Variants in NELL1 observed in about 807,000 individuals in gnomAD.
The protein encoded by NELL1 is neural EGFL like 1.
NELL1 carries 76 observed loss-of-function variants against 107.4 expected under a neutral mutation model. That is an observed-to-expected ratio of 0.71 (90% CI 0.59 to 0.86). NELL1 has a LOEUF of 0.86. Among genes scored for constraint, NELL1 ranks in the 40% least tolerant of loss-of-function variants. The probability of loss-of-function intolerance (pLI) is 0.00; values close to 1 mark genes in which losing one functional copy is unlikely to be tolerated. For missense variants in NELL1, 1,024 were observed against 1,005.5 expected (o/e 1.02, Z -0.25); for synonymous variants, 353 against 341.2 (o/e 1.03, Z -0.38).
Position 20,964,175 on chromosome 11 carries a change from CT to C in NELL1, c.1300+3621del, listed in dbSNP as rs35671492. Among the ~76,000 whole-genome samples, 1,244 of 152,140 alleles carry C rather than the reference CT, an allele frequency of 8.2e-3. 11 individuals carry two copies. The highest frequency in any genetic ancestry group is 0.012 in the Non-Finnish European group (842 of 67,984). The stretch of plus-strand genomic sequence containing the variant: ...GAATCTTGTCGGCTGAGGCTTTTTC[CT>C]TTTTTAATGACATTTTCAACAGGTT... On this transcript the variant is annotated intron_variant, in intron 12 of 19. Transcript: ENST00000357134.
At chr11:21,208,400 A>G (rs1857432890) in intron 13 of NELL1, among the ~76,000 whole-genome samples, 1 of 150,746 alleles carries the variant, frequency 6.6e-6, no homozygotes, top group Admixed American at 6.6e-5. Flanking sequence ...CTATTTATGC[A>G]CAATTATATA....
intron 5 of NELL1, among the ~76,000 whole-genome samples, chr11:20,909,696 T>A (rs1850082586): frequency 6.6e-6 from 1 of 152,152 alleles, no homozygotes; most frequent in Non-Finnish European, 1.5e-5. Flanking sequence ...CCTTCTCTCA[T>A]GCCATTTTCT....
intron 7 of NELL1, among the ~76,000 whole-genome samples, chr11:20,922,186 CT>C (rs900730199): frequency 1.1e-4 from 16 of 152,210 alleles, no homozygotes; most frequent in African/African-American, 3.4e-4. Flanking sequence ...CTCTGTCCCC[CT>C]ATACCCTGTG....
chr11:21,451,747 G>T (rs905336880), intron 15 of NELL1, among the ~76,000 whole-genome samples: 2 of 152,112 alleles, frequency 1.3e-5, no homozygotes, highest in African/African-American at 4.8e-5. Flanking sequence ...ACCAATGGAG[G>T]CTTCAGAGAC....
chr11:21,077,706 G>A (rs1022721755), intron 12 of NELL1, among the ~76,000 whole-genome samples: 2 of 149,614 alleles, frequency 1.3e-5, no homozygotes, highest in African/African-American at 2.5e-5. Flanking sequence ...TTGCATCACC[G>A]CACTTCAGCC....
At chr11:21,326,759 C>CT (rs966107060) in intron 14 of NELL1, among the ~76,000 whole-genome samples, 1 of 151,608 alleles carries the variant, frequency 6.6e-6, no homozygotes, top group Non-Finnish European at 1.5e-5. Context: ...TTATAGACTA[C>CT]TTTTTTTTCT....
At chr11:21,531,634 T>C (rs1395017288) in intron 15 of NELL1, among the ~76,000 whole-genome samples, 2 of 152,192 alleles carry the variant, frequency 1.3e-5, no homozygotes, top group Non-Finnish European at 2.9e-5. Flanking sequence ...AGGTGACTTT[T>C]TGTTTGTTTC....
rs10833502 is a variant in NELL1, at chr11:21,319,157, A to G, written c.1550-51696A>G. On this transcript the variant is annotated intron_variant, in intron 14 of 19. Transcript: ENST00000357134. ...TGTGTGTGTGTGTGTGTGTGTGTGT[A>G]TATGTATGTATACATATTATTTTAT... is the stretch of plus-strand genomic sequence containing the variant. 4.0e-3 allele frequency among the ~76,000 whole-genome samples: 450 copies of G among 111,852 alleles called. 7 individuals are homozygous for G. The highest frequency in any genetic ancestry group is 0.014 in the Middle Eastern group (3 of 212). 73.4% of individuals were successfully genotyped at this position (111,852 alleles called of 152,430 possible). A position where few individuals can be genotyped will look rare whatever the true frequency, so the allele number is the denominator to read the frequency against.
intron 13 of NELL1, among the ~76,000 whole-genome samples, chr11:21,133,048 C>A (rs573465121): frequency 6.6e-6 from 1 of 152,128 alleles, no homozygotes; most frequent in South Asian, 2.1e-4. Flanking sequence ...ACCCATAGTG[C>A]GGGTCTTAGA....
At chr11:21,212,477 G>A (rs11025965) in intron 13 of NELL1, among the ~76,000 whole-genome samples, 12,668 of 152,022 alleles carry the variant, frequency 0.083, 594 homozygotes, top group East Asian at 0.17. Context: ...ACTAAAAATC[G>A]CCTGGACATA....
At chr11:20,765,232 T>G (rs570605161) in intron 2 of NELL1, among the ~76,000 whole-genome samples, 1 of 152,292 alleles carries the variant, frequency 6.6e-6, no homozygotes, top group African/African-American at 2.4e-5. Context: ...GGCATTGTAC[T>G]TGCATGGTAG....
At chr11:21,169,448 A>G (rs1451220610) in intron 13 of NELL1, among the ~76,000 whole-genome samples, 3 of 151,834 alleles carry the variant, frequency 2.0e-5, no homozygotes, top group East Asian at 1.9e-4. Flanking sequence ...TTTTGTTCAC[A>G]TGTAATACCT....
intron 14 of NELL1, among the ~76,000 whole-genome samples, chr11:21,238,624 G>T (rs1858270409): frequency 6.6e-6 from 1 of 151,824 alleles, no homozygotes; most frequent in Admixed American, 6.6e-5. Context: ...AATGAAAATG[G>T]GAAACAAAAA....
intron 14 of NELL1, among the ~76,000 whole-genome samples, chr11:21,301,193 C>CACAATAA (rs1349377365): frequency 1.3e-5 from 2 of 151,996 alleles, no homozygotes; most frequent in Non-Finnish European, 2.9e-5. Flanking sequence ...TGAATAGTGC[C>CACAATAA]ACAATAAACA....
Position 21,003,984 on chromosome 11 carries a change from C to G in NELL1, c.1300+43424C>G, listed in dbSNP as rs1282095592. On this transcript the variant is annotated intron_variant, in intron 12 of 19. Coordinates refer to ENST00000357134, the MANE Select transcript of NELL1 (RefSeq NM_006157.5). ...AAAATAGAGGACTCATACAGATTTT[C>G]TTGCACTTTCCATTGCCCTTGAATC... 7.2e-5 allele frequency among the ~76,000 whole-genome samples: 11 copies of G among 152,024 alleles called. 1 individual carries two copies. Among genetic ancestry groups the G allele is most frequent in the Non-Finnish European group, 1.6e-4 (11 of 68,008 alleles).
At chr11:20,940,677 G>C (rs541182947) in intron 10 of NELL1, among the ~76,000 whole-genome samples, 1 of 152,148 alleles carries the variant, frequency 6.6e-6, no homozygotes, top group Non-Finnish European at 1.5e-5. Context: ...TCCGAAACGG[G>C]AACATCATTC....
intron 12 of NELL1, among the ~76,000 whole-genome samples, chr11:20,989,691 T>A (rs1474276729): frequency 6.6e-6 from 1 of 152,028 alleles, no homozygotes; most frequent in Non-Finnish European, 1.5e-5. Context: ...GTGACTTCTG[T>A]TTATAGAAAT....
At chr11:21,014,439 A>G (rs1852519533) in intron 12 of NELL1, among the ~76,000 whole-genome samples, 1 of 152,136 alleles carries the variant, frequency 6.6e-6, no homozygotes, top group Non-Finnish European at 1.5e-5. Context: ...AGTTGAATGT[A>G]CCACTTTCTC....
At chr11:21,506,348 C>A (rs1399039796) in intron 15 of NELL1, among the ~76,000 whole-genome samples, 1 of 152,162 alleles carries the variant, frequency 6.6e-6, no homozygotes, top group Non-Finnish European at 1.5e-5. Flanking sequence ...CTTACCACTG[C>A]CCCAAGTCAT....
Sources: allele counts gnomAD v4.1 joint callset (sites outside exome capture counted in the v4.1 genomes callset), GRCh38; gene constraint gnomAD v4.1.1; transcripts MANE v1.5; gene names NCBI Gene and HGNC (gene_info 2026-07-23, HGNC 2026-07-21).